The following GPC4 variants were observed in gnomAD, a reference collection of about 807,000 sequenced individuals.
GPC4 encodes glypican 4, also known as glypican-4.
Under a neutral mutation model 35.0 loss-of-function variants are expected in GPC4, and 10 were observed. The observed-to-expected ratio is 0.29, with a 90% CI of 0.18 to 0.48. The LOEUF (loss-of-function observed/expected upper bound fraction) is 0.48. Ranked by LOEUF, GPC4 falls within the 20% of genes least tolerant of loss-of-function variation. The pLI is 0.99. For synonymous variants in GPC4, 167 were observed against 170.2 expected (o/e 0.98, Z 0.15); for missense variants, 322 against 451.3 (o/e 0.71, Z 2.60).
At chrX:133,327,658 T>C (rs1393061534) in intron 2 of GPC4, among the ~76,000 whole-genome samples, 1 of 107,216 alleles carries the variant, frequency 9.3e-6, no homozygotes, top group Non-Finnish European at 1.9e-5. Context: ...TGTGTGTGTG[T>C]GTGTGTGTGT....
intron 1 of GPC4, among the ~76,000 whole-genome samples, chrX:133,353,850 G>A (rs1044413936): frequency 2.7e-5 from 3 of 111,377 alleles, no homozygotes; most frequent in Non-Finnish European, 5.7e-5. Flanking sequence ...AGGGTCTTTC[G>A]TTCTGTGGTA....
chrX:133,343,703 A>AAAAAC (rs1569347123), intron 1 of GPC4, among the ~76,000 whole-genome samples: 1 of 111,620 alleles, frequency 9.0e-6, no homozygotes, highest in Non-Finnish European at 1.9e-5. Context: ...CTCTGGCATT[A>AAAAAC]AAAACAAAAC....
intron 1 of GPC4, among the ~76,000 whole-genome samples, chrX:133,341,469 C>G (rs752778132): frequency 9.0e-6 from 1 of 111,518 alleles, no homozygotes; most frequent in African/African-American, 3.3e-5. Context: ...ATAGGATAGG[C>G]TGTTTTTTCA....
At chrX:133,354,284 C>A (rs1238673142) in intron 1 of GPC4, among the ~76,000 whole-genome samples, 1 of 112,189 alleles carries the variant, frequency 8.9e-6, no homozygotes, top group African/African-American at 3.2e-5. Context: ...CTAGTTTTTC[C>A]TGATCCCACA....
intron 6 of GPC4, 60 bp from the exon 7 acceptor site, chrX:133,304,921 C>G: frequency 1.4e-5 from 16 of 1,110,381 alleles, no homozygotes; most frequent in Non-Finnish European, 2.0e-5. Context: ...AAACTACCTA[C>G]AAGTGTGCCT....
At chrX:133,332,466 C>T (rs148526689) in intron 2 of GPC4, among the ~76,000 whole-genome samples, 5,162 of 111,208 alleles carry the variant, frequency 0.046, 131 homozygotes, top group Non-Finnish European at 0.074. Context: ...GTGGTGCAAT[C>T]TCAAATCACT....
At chrX:133,356,542 G>A (rs932335930) in intron 1 of GPC4, among the ~76,000 whole-genome samples, 1 of 111,307 alleles carries the variant, frequency 9.0e-6, no homozygotes, top group Non-Finnish European at 1.9e-5. Context: ...ACCACACCTG[G>A]CAGTGAATTC....
chrX:133,309,912 T>A (rs1373478702), intron 4 of GPC4, among the ~76,000 whole-genome samples: 1 of 112,382 alleles, frequency 8.9e-6, no homozygotes, highest in Non-Finnish European at 1.9e-5. Context: ...TTGGCCTGTA[T>A]GTCTTTGCTG....
chrX:133,302,941 G>A lies in GPC4; in HGVS notation c.1597C>T (p.Arg533Cys), dbSNP rs771396267. ...ANEKADSAGV[R>C]PGAQAYLLTV... ...AGGAGGTAGGCCTGTGCCCCAGGAC[G>A]GACACCAGCACTGTCGGCTTTCTCA... The change falls in exon 9 of 9, where the codon CGT (arginine) becomes TGT (cysteine). Residue 533 changes from arginine to cysteine, a missense_variant. Around this residue, in one of 3 missense-constraint regions of GPC4, gnomAD observed 99 missense variants for 110.0 expected, o/e 0.90. Transcript: ENST00000370828. 1.7e-6 allele frequency: 2 copies of A among 1,211,513 alleles called. No homozygotes were observed. Among genetic ancestry groups the A allele is most frequent in the East Asian group, 3.0e-5 (1 of 33,836 alleles).
At chrX:133,357,268 C>T (rs973101894) in intron 1 of GPC4, among the ~76,000 whole-genome samples, 4 of 108,228 alleles carry the variant, frequency 3.7e-5, no homozygotes, top group Non-Finnish European at 7.7e-5. Flanking sequence ...CCTGTAGTTC[C>T]AGCTACTCGG....
intron 1 of GPC4, among the ~76,000 whole-genome samples, chrX:133,391,088 A>C (rs1419875856): frequency 1.8e-5 from 2 of 112,199 alleles, no homozygotes; most frequent in Non-Finnish European, 3.8e-5. Flanking sequence ...AAGGAATTAA[A>C]AGCTATGTAT....
intron 1 of GPC4, among the ~76,000 whole-genome samples, chrX:133,374,271 G>A (rs1172392151): frequency 9.0e-6 from 1 of 111,112 alleles, no homozygotes; most frequent in Non-Finnish European, 1.9e-5. Context: ...CTTGTGCCTA[G>A]AGTGACATGT....
At chrX:133,384,458 T>C (rs1291791810) in intron 1 of GPC4, among the ~76,000 whole-genome samples, 1 of 111,431 alleles carries the variant, frequency 9.0e-6, no homozygotes, top group Non-Finnish European at 1.9e-5. Flanking sequence ...GCTATAAATG[T>C]CTCAGTCTTC....
chrX:133,338,872 C>A (rs1037610265), intron 2 of GPC4, among the ~76,000 whole-genome samples: 5 of 104,122 alleles, frequency 4.8e-5, no homozygotes, highest in Middle Eastern at 5.0e-3. Context: ...ATTATGAGGT[C>A]TTTTTTTTTT....
At chrX:133,303,442 G>A (rs2068277009) in intron 7 of GPC4, 101 bp from the exon 8 acceptor site, 1 of 661,853 alleles carries the variant, frequency 1.5e-6, no homozygotes, top group African/African-American at 2.2e-5. Flanking sequence ...AGATTATGAA[G>A]ATTATACAAG....
chrX:133,311,451 T>C (rs2068313952), intron 3 of GPC4, 28 bp from the exon 4 acceptor site: 2 of 1,188,891 alleles, frequency 1.7e-6, no homozygotes. Flanking sequence ...AAAAAGACAG[T>C]AGTGGCGGGG....
chrX:133,328,117 C>A (rs963862619), intron 2 of GPC4, among the ~76,000 whole-genome samples: 1 of 111,120 alleles, frequency 9.0e-6, no homozygotes, highest in African/African-American at 3.3e-5. Flanking sequence ...ATGAGAATAC[C>A]AGAGATTTTT....
chrX:133,408,203 T>C (rs1268800121), intron 1 of GPC4, among the ~76,000 whole-genome samples: 1 of 112,795 alleles, frequency 8.9e-6, no homozygotes, highest in East Asian at 2.8e-4. Flanking sequence ...TGCTAGTTTT[T>C]ACCTGTTTGT....
intron 2 of GPC4, among the ~76,000 whole-genome samples, chrX:133,335,756 T>C (rs2068440161): frequency 8.9e-6 from 1 of 112,368 alleles, no homozygotes; most frequent in Admixed American, 9.4e-5. Flanking sequence ...TTATTTTTGT[T>C]GAAAAGGTTT....
Sources: allele counts gnomAD v4.1 joint callset (sites outside exome capture counted in the v4.1 genomes callset), GRCh38; gene constraint gnomAD v4.1.1; regional missense constraint gnomAD v4.1.1; transcripts MANE v1.5; gene names NCBI Gene and HGNC (gene_info 2026-07-23, HGNC 2026-07-21).